The following JARID2 variants were observed in gnomAD, a reference collection of about 807,000 sequenced individuals.
JARID2 encodes the protein protein Jumonji.
In JARID2, 21 loss-of-function variants were observed where a neutral mutation model predicts 125.6. The ratio of observed to expected loss-of-function variants is 0.17; its 90% CI spans 0.12 to 0.24. JARID2 has a LOEUF of 0.24. JARID2 is among the 10% of genes least tolerant of loss of function. JARID2 has a pLI of 1.00. For synonymous variants in JARID2, 736 were observed against 661.6 expected (o/e 1.11, Z -1.73); for missense variants, 1,303 against 1,639.6 (o/e 0.79, Z 3.55).
chr6:15,459,373 G>A (rs1001579225), intron 4 of JARID2, among the ~76,000 whole-genome samples: 2 of 152,148 alleles, frequency 1.3e-5, no homozygotes, highest in Non-Finnish European at 2.9e-5. Flanking sequence ...CTAATACAAT[G>A]TAAATGCTGT....
At position 15,501,340 on chromosome 6, in the gene JARID2, A is replaced by G. The variant is rs151288622; in HGVS notation, c.2379A>G (p.Glu793=). The G allele has an allele frequency of 8.9e-5, 142 of 1,603,222 alleles. 1 individual carries two copies. The highest frequency in any genetic ancestry group is 8.9e-4 in the African/African-American group (66 of 74,558). ...KTGRRRLFAQ[E]KEVVKEEEED... ...GCCGGCGGCGACTCTTCGCTCAGGAAAAAGAAGTGGTCAAGGAAGAGGAGG... is the reference window on the plus strand; with the variant it reads ...GCCGGCGGCGACTCTTCGCTCAGGAGAAAGAAGTGGTCAAGGAAGAGGAGG... The change falls in exon 8 of 18, where the codon GAA becomes GAG. Residue 793 remains glutamate, a synonymous_variant. Transcript: ENST00000341776.
intron 16 of JARID2, among the ~76,000 whole-genome samples, chr6:15,514,307 A>C (rs1019736246): frequency 2.0e-5 from 3 of 152,196 alleles, no homozygotes; most frequent in African/African-American, 7.2e-5. Flanking sequence ...TGGAACAGAG[A>C]GCATGCCCGA....
chr6:15,503,975 C>A (rs913082610), intron 8 of JARID2, among the ~76,000 whole-genome samples: 4 of 152,236 alleles, frequency 2.6e-5, no homozygotes, highest in African/African-American at 9.6e-5. Flanking sequence ...CAGGTCGCAA[C>A]CTCAGTGAAG....
intron 1 of JARID2, among the ~76,000 whole-genome samples, chr6:15,293,320 C>A (rs376244832): frequency 6.6e-6 from 1 of 152,106 alleles, no homozygotes; most frequent in Non-Finnish European, 1.5e-5. Flanking sequence ...GAGGCTGTGG[C>A]AGGAGAATAG....
Position 15,496,291 on chromosome 6 carries a change from C to T in JARID2, c.1066C>T (p.Leu356=). 6.2e-7 allele frequency: 1 copy of T among 1,614,186 alleles called. No individual in the cohort carries two copies. Among genetic ancestry groups the T allele is most frequent in the Non-Finnish European group, 8.5e-7 (1 of 1,180,044 alleles). The change falls in exon 7 of 18, where the codon CTG becomes TTG. Residue 356 remains leucine (L), a synonymous_variant. Coordinates refer to ENST00000341776, the MANE Select transcript of JARID2 (RefSeq NM_004973.4). ...AVTYTKAKRE[L]VKDTKPNHHK... is the part of the protein sequence containing the mutation. ...CACATACACCAAAGCCAAGAGAGAA[C>T]TGGTCAAGGACACCAAACCCAATCA...
At chr6:15,387,611 G>A (rs1387421404) in intron 2 of JARID2, among the ~76,000 whole-genome samples, 1 of 152,132 alleles carries the variant, frequency 6.6e-6, no homozygotes, top group East Asian at 1.9e-4. Flanking sequence ...GTCTCTGCAG[G>A]CCTTGGACAT....
At position 15,251,427 on chromosome 6, in the gene JARID2, T is replaced by C. The variant is rs192474279; in HGVS notation, c.45+4843T>C. Among the ~76,000 whole-genome samples, 14 of 152,356 alleles carry C rather than the reference T, an allele frequency of 9.2e-5. No homozygotes were observed. In the East Asian group the frequency reaches 2.7e-3, roughly 29 times the overall value. ...ATTGCTCTGATCATCCTGATGTTACTGGTCCACGTCTCCCCCAGGATTACA... is the reference window on the plus strand; with the variant it reads ...ATTGCTCTGATCATCCTGATGTTACCGGTCCACGTCTCCCCCAGGATTACA... On this transcript the variant is annotated intron_variant, in intron 1 of 17. Coordinates refer to ENST00000341776, the MANE Select transcript of JARID2 (RefSeq NM_004973.4).
chr6:15,335,086 C>CT (rs983804168), intron 1 of JARID2, among the ~76,000 whole-genome samples: 11 of 151,590 alleles, frequency 7.3e-5, no homozygotes, highest in South Asian at 2.1e-4. Flanking sequence ...CCACACCCCT[C>CT]TTTTTTTTTC....
chr6:15,399,251 T>C (rs1329176666), intron 2 of JARID2, among the ~76,000 whole-genome samples: 1 of 152,162 alleles, frequency 6.6e-6, no homozygotes, highest in East Asian at 1.9e-4. Flanking sequence ...ATATTGAGGT[T>C]ACCCCACCCC....
intron 2 of JARID2, among the ~76,000 whole-genome samples, chr6:15,408,548 T>C (rs1474389196): frequency 6.6e-6 from 1 of 152,204 alleles, no homozygotes; most frequent in East Asian, 1.9e-4. Context: ...AAGATATTAT[T>C]TAAACTACAT....
At chr6:15,395,866 T>C (rs1360958712) in intron 2 of JARID2, among the ~76,000 whole-genome samples, 1 of 152,152 alleles carries the variant, frequency 6.6e-6, no homozygotes, top group African/African-American at 2.4e-5. Context: ...GGTTTCATCA[T>C]GTTGGCCAGG....
intron 1 of JARID2, among the ~76,000 whole-genome samples, chr6:15,361,895 T>C (rs1411857125): frequency 1.7e-4 from 25 of 143,046 alleles, no homozygotes; most frequent in African/African-American, 6.5e-4. Flanking sequence ...GAGCCCCCTT[T>C]TTTTTTTTTT....
intron 1 of JARID2, among the ~76,000 whole-genome samples, chr6:15,260,183 T>C: frequency 6.6e-6 from 1 of 152,156 alleles, no homozygotes; most frequent in Admixed American, 6.6e-5. Flanking sequence ...TTTATCACTT[T>C]TTTCCACAGT....
At chr6:15,329,480 C>T (rs1328261210) in intron 1 of JARID2, among the ~76,000 whole-genome samples, 1 of 152,218 alleles carries the variant, frequency 6.6e-6, no homozygotes, top group African/African-American at 2.4e-5. Context: ...AGGGCAAGCT[C>T]ACTGTAAATC....
At position 15,512,330 on chromosome 6, in the gene JARID2, G is replaced by A. The variant is rs752831864; in HGVS notation, c.3075G>A (p.Val1025=). The change falls in exon 14 of 18, where the codon GTG becomes GTA. Residue 1025 remains valine, a synonymous_variant. Coordinates refer to ENST00000341776, the MANE Select transcript of JARID2 (RefSeq NM_004973.4). The part of the protein sequence containing the change: ...FVSKVCCGYS[V]SETVHFATTQ... ...CCAAAGTGTGCTGTGGGTACAGCGTGTCTGAAACCGTGCACTTTGCTACCA... is the reference window on the plus strand; with the variant it reads ...CCAAAGTGTGCTGTGGGTACAGCGTATCTGAAACCGTGCACTTTGCTACCA... The A allele has an allele frequency of 1.9e-6, 3 of 1,614,058 alleles. No homozygotes were observed. In the African/African-American group the frequency reaches 4.0e-5, roughly 22 times the overall value.
chr6:15,378,961 G>A (rs1764475504), intron 2 of JARID2, among the ~76,000 whole-genome samples: 1 of 152,176 alleles, frequency 6.6e-6, no homozygotes, highest in South Asian at 2.1e-4. Context: ...TCTGTGTGAA[G>A]GGGGTCGGGT....
intron 7 of JARID2, 26 bp from the exon 8 acceptor site, chr6:15,500,881 C>A (rs375291393): frequency 1.3e-6 from 2 of 1,564,040 alleles, no homozygotes; most frequent in African/African-American, 1.4e-5. Flanking sequence ...CTAACTGTCC[C>A]GTTTTTTTCC....
At chr6:15,312,109 G>A (rs948563013) in intron 1 of JARID2, among the ~76,000 whole-genome samples, 1 of 152,206 alleles carries the variant, frequency 6.6e-6, no homozygotes, top group African/African-American at 2.4e-5. Context: ...AGGCTGGAGT[G>A]CAGTGGTGCG....
At chr6:15,477,046 G>C (rs549016863) in intron 5 of JARID2, among the ~76,000 whole-genome samples, 1 of 152,140 alleles carries the variant, frequency 6.6e-6, no homozygotes, top group East Asian at 1.9e-4. Context: ...AAAAACGGAA[G>C]GAAGAAGAGT....
Sources: allele counts gnomAD v4.1 joint callset (sites outside exome capture counted in the v4.1 genomes callset), GRCh38; gene constraint gnomAD v4.1.1; transcripts MANE v1.5; gene names NCBI Gene and HGNC (gene_info 2026-07-23, HGNC 2026-07-21).